Variants in CAB39 observed in about 807,000 individuals in gnomAD.
CAB39 encodes the protein calcium binding protein 39.
Under a neutral mutation model 40.0 loss-of-function variants are expected in CAB39, and 8 were observed. The ratio of observed to expected loss-of-function variants is 0.20; its 90% CI spans 0.12 to 0.36. The LOEUF (loss-of-function observed/expected upper bound fraction) is 0.36, where lower values mean the gene tolerates loss of function less well. Ranked by LOEUF, CAB39 falls within the 10% of genes least tolerant of loss-of-function variation. The pLI is 1.00. For synonymous variants in CAB39, 156 were observed against 141.6 expected (o/e 1.10, Z -0.72); for missense variants, 270 against 401.1 (o/e 0.67, Z 2.79).
chr2:230,817,713 T>TA (rs756145750), intron 7 of CAB39, 41 bp from the exon 8 acceptor site: 1 of 1,485,784 alleles, frequency 6.7e-7, no homozygotes. Flanking sequence ...GATTTTTCTT[T>TA]AAGTTTTAAT....
chr2:230,762,545 C>A (rs56345940), intron 2 of CAB39, among the ~76,000 whole-genome samples: 8,249 of 152,248 alleles, frequency 0.054, 767 homozygotes, highest in African/African-American at 0.19. Context: ...AGAGAGCAGA[C>A]CCCACAGAGT....
At chr2:230,745,108 C>T (rs138615149) in intron 1 of CAB39, among the ~76,000 whole-genome samples, 1 of 152,272 alleles carries the variant, frequency 6.6e-6, no homozygotes, top group East Asian at 1.9e-4. Flanking sequence ...ATTCACTAAG[C>T]CCATTTCATT....
At chr2:230,730,850 C>T (rs1694676136) in intron 1 of CAB39, among the ~76,000 whole-genome samples, 1 of 152,090 alleles carries the variant, frequency 6.6e-6, no homozygotes, top group Non-Finnish European at 1.5e-5. Context: ...AAAATTTGTG[C>T]GATGATGGCC....
intron 1 of CAB39, among the ~76,000 whole-genome samples, 180 bp from the exon 2 acceptor site, chr2:230,759,779 A>G (rs1472451548): frequency 2.6e-5 from 4 of 152,246 alleles, no homozygotes; most frequent in Admixed American, 2.0e-4. Context: ...CTGTAATTCT[A>G]AGACATCTGT....
rs1288894192 is a variant in CAB39 at position 230,819,668 on chromosome 2, AAAAG to A, written c.*969_*972del. The A allele has an allele frequency of 6.6e-6, 1 of 152,442 alleles. No homozygotes were observed. Among genetic ancestry groups the A allele is most frequent in the African/African-American group, 2.4e-5 (1 of 41,476 alleles). The allele number at this position is 152,442 out of a possible 1,614,324, so 9.4% of individuals were successfully genotyped here. ...ATTTAAGTATCACAGCATTAAAAGA[AAAAG>A]AAAGTAAACCAGTCCTTTGTATTCA... is the stretch of plus-strand genomic sequence containing the variant. On this transcript the variant is annotated 3_prime_UTR_variant, in exon 9 of 9. Transcript: ENST00000258418.
chr2:230,728,108 G>A (rs13385733), intron 1 of CAB39, among the ~76,000 whole-genome samples: 3 of 152,028 alleles, frequency 2.0e-5, no homozygotes, highest in Non-Finnish European at 2.9e-5. Context: ...GTGTGGTGGC[G>A]CACGCCTGTA....
chr2:230,718,761 TCTGCAGGTGGGAACACTG>T, intron 1 of CAB39, among the ~76,000 whole-genome samples: 1 of 152,188 alleles, frequency 6.6e-6, no homozygotes, highest in East Asian at 1.9e-4. Flanking sequence ...AATGGTTCTT[TCTGCAGGTGGGAACACTG>T]AGGCCCACCG....
At chr2:230,769,651 T>G (rs1695449008) in intron 2 of CAB39, among the ~76,000 whole-genome samples, 1 of 152,146 alleles carries the variant, frequency 6.6e-6, no homozygotes, top group East Asian at 1.9e-4. Flanking sequence ...AATATCGTAC[T>G]TCTAGATAAC....
chr2:230,721,815 A>C (rs1331567355), intron 1 of CAB39, among the ~76,000 whole-genome samples: 3 of 152,200 alleles, frequency 2.0e-5, no homozygotes, highest in Admixed American at 6.5e-5. Context: ...ATTGAGAAAT[A>C]CTGCACATTA....
At chr2:230,743,913 A>T (rs1234917487) in intron 1 of CAB39, among the ~76,000 whole-genome samples, 16 of 145,018 alleles carry the variant, frequency 1.1e-4, no homozygotes, top group African/African-American at 4.3e-4. Context: ...CTGATACATG[A>T]TACTTTTTTT....
At chr2:230,717,350 A>G in intron 1 of CAB39, among the ~76,000 whole-genome samples, 1 of 152,224 alleles carries the variant, frequency 6.6e-6, no homozygotes, top group East Asian at 1.9e-4. Flanking sequence ...GACTTGTATT[A>G]GAGCCTTCTT....
chr2:230,792,287 G>C (rs549748086), intron 3 of CAB39, among the ~76,000 whole-genome samples: 1 of 152,100 alleles, frequency 6.6e-6, no homozygotes, highest in Non-Finnish European at 1.5e-5. Flanking sequence ...GCCTCCACCC[G>C]ACCTGGACAC....
intron 1 of CAB39, among the ~76,000 whole-genome samples, chr2:230,728,186 T>C (rs1156618360): frequency 6.6e-6 from 1 of 152,002 alleles, no homozygotes; most frequent in Non-Finnish European, 1.5e-5. Flanking sequence ...TGCAGTGAGC[T>C]GAAATCACAC....
chr2:230,772,166 A>G (rs1183428350), intron 2 of CAB39, among the ~76,000 whole-genome samples: 3 of 152,354 alleles, frequency 2.0e-5, no homozygotes, highest in South Asian at 4.1e-4. Flanking sequence ...TGCAAAGCAT[A>G]TATCTGATAA....
chr2:230,810,243 ATTT>A lies in CAB39; in HGVS notation c.568-13_568-11del, dbSNP rs527401274. On this transcript the variant is annotated splice_polypyrimidine_tract_variant and intron_variant, in intron 5 of 8. Transcript: ENST00000258418. ...AAAACTTGGAGAACAACTGTAAACA[ATTT>A]TTTTTTCTTTTTGTAGGATTTACTT... The A allele has an allele frequency of 7.9e-7, 1 of 1,263,484 alleles. No homozygotes were observed. Among genetic ancestry groups the A allele is most frequent in the Non-Finnish European group, 1.1e-6 (1 of 899,286 alleles). The allele number at this position is 1,263,484 out of a possible 1,614,324, so 78.3% of individuals were successfully genotyped here.
chr2:230,740,167 T>A (rs1457441780), intron 1 of CAB39, among the ~76,000 whole-genome samples: 2 of 152,212 alleles, frequency 1.3e-5, no homozygotes, highest in Non-Finnish European at 2.9e-5. Context: ...ATAATGCAGT[T>A]AGGTGGCCTG....
At chr2:230,768,760 T>TA (rs1178973829) in intron 2 of CAB39, among the ~76,000 whole-genome samples, 8 of 152,062 alleles carry the variant, frequency 5.3e-5, no homozygotes, top group South Asian at 4.1e-4. Flanking sequence ...ACTCTGTATG[T>TA]AAAAAAACAG....
chr2:230,810,367 T>C, intron 6 of CAB39, 45 bp downstream of exon 6: 1 of 732,658 alleles, frequency 1.4e-6, no homozygotes. Flanking sequence ...TTGTAACTTT[T>C]GTTACCAGAA....
chr2:230,805,174 A>G (rs948425707), intron 5 of CAB39, among the ~76,000 whole-genome samples: 10 of 151,160 alleles, frequency 6.6e-5, no homozygotes, highest in African/African-American at 2.4e-4. Context: ...GCATGTTCTC[A>G]CTCATAGGTG....
Sources: gnomAD v4.1 joint callset for allele counts (sites outside exome capture counted in the v4.1 genomes callset) on GRCh38, gnomAD v4.1.1 for gene constraint, MANE v1.5 for transcripts, NCBI Gene and HGNC (gene_info 2026-07-23, HGNC 2026-07-21) for gene names.